PRKN: variants seen among roughly 807,000 people sequenced by gnomAD.
The protein encoded by PRKN is E3 ubiquitin-protein ligase parkin.
Under a neutral mutation model 59.5 loss-of-function variants are expected in PRKN, and 56 were observed. The ratio of observed to expected loss-of-function variants is 0.94; its 90% CI spans 0.76 to 1.18. The LOEUF (loss-of-function observed/expected upper bound fraction) is 1.18, where lower values mean the gene tolerates loss of function less well. Among genes scored for constraint, PRKN ranks in the 50% most tolerant of loss-of-function variants. The pLI, the probability that PRKN is intolerant of heterozygous loss-of-function variation, is 0.00. For synonymous variants in PRKN, 250 were observed against 222.1 expected, an observed-to-expected ratio of 1.13 and a Z score of -1.12; for missense variants, 657 against 596.4, an observed-to-expected ratio of 1.10 and a Z score of -1.06.
intron 3 of PRKN, among the ~76,000 whole-genome samples, chr6:162,233,181 T>C (rs1778496693): frequency 6.6e-6 from 1 of 152,172 alleles, no homozygotes; most frequent in African/African-American, 2.4e-5. Flanking sequence ...ATATTAACTC[T>C]CCAAGAGGTT....
At chr6:162,155,203 A>T (rs1782456530) in intron 4 of PRKN, among the ~76,000 whole-genome samples, 2 of 152,088 alleles carry the variant, frequency 1.3e-5, no homozygotes. Context: ...AATCCCTGGC[A>T]GTGGCTTACC....
intron 2 of PRKN, among the ~76,000 whole-genome samples, chr6:162,343,138 C>T (rs1784259620): frequency 6.6e-6 from 1 of 152,144 alleles, no homozygotes; most frequent in Non-Finnish European, 1.5e-5. Flanking sequence ...GAAATATCTG[C>T]TTATTACATT....
chr6:161,827,090 T>G (rs1419933020), intron 6 of PRKN, among the ~76,000 whole-genome samples: 8 of 152,210 alleles, frequency 5.3e-5, no homozygotes, highest in Non-Finnish European at 1.2e-4. Context: ...CTGCCTAACT[T>G]ACATGGATTC....
rs183482254 is a variant in PRKN, at chr6:161,802,508, C to T, written c.735-16600G>A. 3.0e-3 allele frequency among the ~76,000 whole-genome samples: 454 copies of T among 152,044 alleles called. 3 individuals are homozygous for T. Among genetic ancestry groups the T allele is most frequent in the African/African-American group, 0.01 (428 of 41,464 alleles). On this transcript the variant is annotated intron_variant, in intron 6 of 11. Transcript: ENST00000366898. ...CACCCCACATATGACCCACACATGC[C>T]CCACACACACCTGGCTCCCAGCCTT...
At chr6:161,523,293 T>G (rs544099718) in intron 9 of PRKN, among the ~76,000 whole-genome samples, 124 of 152,356 alleles carry the variant, frequency 8.1e-4, no homozygotes, top group Middle Eastern at 3.4e-3. Flanking sequence ...TTTGGCAATA[T>G]CTACTGATAC....
intron 9 of PRKN, among the ~76,000 whole-genome samples, chr6:161,509,175 A>C (rs2115326211): frequency 6.7e-6 from 1 of 149,696 alleles, no homozygotes; most frequent in African/African-American, 2.5e-5. Context: ...ACATCACAGA[A>C]ACATTTTGGT....
intron 9 of PRKN, among the ~76,000 whole-genome samples, chr6:161,416,554 A>T (rs117204954): frequency 1.1e-4 from 16 of 152,230 alleles, no homozygotes; most frequent in Non-Finnish European, 8.8e-5. Flanking sequence ...ATTCAAACCC[A>T]GGCAGACCAA....
At chr6:161,661,482 C>T (rs1784542948) in intron 7 of PRKN, among the ~76,000 whole-genome samples, 1 of 152,142 alleles carries the variant, frequency 6.6e-6, no homozygotes, top group South Asian at 2.1e-4. Flanking sequence ...CAGAGGCCTT[C>T]CCTGACCACC....
chr6:162,609,159 A>G (rs1278154360), intron 1 of PRKN, among the ~76,000 whole-genome samples: 2 of 152,208 alleles, frequency 1.3e-5, no homozygotes, highest in Non-Finnish European at 2.9e-5. Flanking sequence ...CAGAAGATAA[A>G]GTGCAGGCCC....
intron 5 of PRKN, among the ~76,000 whole-genome samples, chr6:161,986,345 C>T (rs942138709): frequency 2.0e-5 from 3 of 152,176 alleles, no homozygotes; most frequent in Admixed American, 1.3e-4. Flanking sequence ...CTACTGTCAG[C>T]TTGTTCTTGA....
In PRKN at chr6:161,562,623, C is replaced by T. The variant is rs913371557; in HGVS notation, c.933+6732G>A. 6.6e-6 allele frequency among the ~76,000 whole-genome samples: 1 copy of T among 152,178 alleles called. No homozygotes were observed. Among genetic ancestry groups the T allele is most frequent in the African/African-American group, 2.4e-5 (1 of 41,454 alleles). On this transcript the variant is annotated intron_variant, in intron 8 of 11. Coordinates refer to ENST00000366898, the MANE Select transcript of PRKN (RefSeq NM_004562.3). The surrounding 1 kb of genome is among the most constrained non-coding windows in gnomAD (Gnocchi z 4.3). ...CTTATCTCCTTCTCCATGCTTCAGG[C>T]ATAGCAAATGTGTTCAGAATTGAAG...
At chr6:161,449,916 C>T (rs780616476) in intron 9 of PRKN, among the ~76,000 whole-genome samples, 1 of 152,182 alleles carries the variant, frequency 6.6e-6, no homozygotes, top group African/African-American at 2.4e-5. Context: ...CCCCCACACC[C>T]ACCCACGAGA....
chr6:161,565,008 C>T lies in PRKN; in HGVS notation c.933+4347G>A, dbSNP rs768956822. ...TTCAACCCTTCTAGTACTCAAATCC[C>T]GAAAATTCTTTGAGCCACTGGCATC... On this transcript the variant is annotated intron_variant, in intron 8 of 11. Coordinates refer to ENST00000366898, the MANE Select transcript of PRKN (RefSeq NM_004562.3). Among the ~76,000 whole-genome samples, 11 of 152,142 alleles carry T rather than the reference C, an allele frequency of 7.2e-5. No individual in the cohort carries two copies. The South Asian group carries it at 8.3e-4, about 11-fold the overall frequency.
In PRKN at chr6:161,813,368, C is replaced by T. The variant is rs540621050; in HGVS notation, c.735-27460G>A. On this transcript the variant is annotated intron_variant, in intron 6 of 11. Transcript: ENST00000366898. ...CCAGCCTCACCGGGCTGCGGCGAGG[C>T]GGTGCAGTATCTGTGGACAGCTTCT... Among the ~76,000 whole-genome samples the T allele has an allele frequency of 1.5e-4, 23 of 152,258 alleles. No individual in the cohort carries two copies. In the South Asian group the frequency reaches 2.3e-3, roughly 15 times the overall value.
intron 7 of PRKN, among the ~76,000 whole-genome samples, chr6:161,771,369 A>T (rs12203939): frequency 0.3 from 26,578 of 89,390 alleles, 3,862 homozygotes; most frequent in Non-Finnish European, 0.33. Flanking sequence ...AAAAAAAAAA[A>T]AATAAAATAA....
chr6:161,544,907 T>C lies in PRKN; in HGVS notation c.1083+3947A>G, dbSNP rs1274653579. Among the ~76,000 whole-genome samples, 2 of 152,194 alleles carry C rather than the reference T, an allele frequency of 1.3e-5. No individual in the cohort carries two copies. Among genetic ancestry groups the C allele is most frequent in the South Asian group, 2.1e-4 (1 of 4,818 alleles). Reference sequence around the variant, plus strand: ...ACAAAAGAGTCATAAATACTAACTATAGCACCTATTTTACAGAAGCTGAAC... The same window carrying C: ...ACAAAAGAGTCATAAATACTAACTACAGCACCTATTTTACAGAAGCTGAAC... On this transcript the variant is annotated intron_variant, in intron 9 of 11. Coordinates refer to ENST00000366898, the MANE Select transcript of PRKN (RefSeq NM_004562.3). This position sits in a 1 kb window ranked among gnomAD's most constrained non-coding sequence, Gnocchi z 5.5.
chr6:161,911,085 C>T (rs1778344318), intron 6 of PRKN, among the ~76,000 whole-genome samples: 1 of 152,092 alleles, frequency 6.6e-6, no homozygotes, highest in South Asian at 2.1e-4. Flanking sequence ...AAGGTATACC[C>T]ATATTTAAAT....
At chr6:161,878,223 G>T (rs1002333085) in intron 6 of PRKN, among the ~76,000 whole-genome samples, 3 of 152,128 alleles carry the variant, frequency 2.0e-5, no homozygotes, top group Non-Finnish European at 4.4e-5. Context: ...AAAGTAGAAA[G>T]AAATAAATTT....
At chr6:161,646,719 G>A (rs1030277286) in intron 7 of PRKN, among the ~76,000 whole-genome samples, 2 of 152,168 alleles carry the variant, frequency 1.3e-5, no homozygotes, top group African/African-American at 2.4e-5. Flanking sequence ...AGCCATGGAT[G>A]CATTTACAAA....
Sources: gnomAD v4.1 joint callset for allele counts (sites outside exome capture counted in the v4.1 genomes callset) on GRCh38, gnomAD v4.1.1 for gene constraint, Gnocchi (gnomAD v3.1) non-coding constraint, MANE v1.5 for transcripts, NCBI Gene and HGNC (gene_info 2026-07-23, HGNC 2026-07-21) for gene names.